STARD6: variants seen among roughly 807,000 people sequenced by gnomAD.
STARD6 encodes stAR-related lipid transfer protein 6.
A neutral mutation model predicts 22.3 loss-of-function variants in STARD6; 21 were observed. The observed-to-expected ratio is 0.94, with a 90% CI of 0.67 to 1.35. The LOEUF (loss-of-function observed/expected upper bound fraction) is 1.35. Among genes scored for constraint, STARD6 ranks in the 40% most tolerant of loss-of-function variants. STARD6 has a pLI of 0.00. For synonymous variants in STARD6, 80 were observed against 88.1 expected, an observed-to-expected ratio of 0.91 and a Z score of 0.52; for missense variants, 269 against 266.9, an observed-to-expected ratio of 1.01 and a Z score of -0.05.
rs1392777839 is a variant in STARD6, at chr18:54,354,702, T to A, written c.-4-125A>T. 6.8e-5 allele frequency: 45 copies of A among 661,928 alleles called. No homozygotes were observed. In the East Asian group the frequency reaches 1.3e-3, roughly 19 times the overall value. The allele number at this position is 661,928 out of a possible 1,614,324, so 41.0% of individuals were successfully genotyped here. On this transcript the variant is annotated intron_variant, in intron 2 of 7. Coordinates refer to ENST00000307844, the MANE Select transcript of STARD6 (RefSeq NM_139171.2). ...CATAGAAATGAACATAATTACTTGA[T>A]GAATGCATGTATGCATGAACCCCTC...
chr18:54,330,914 T>G (rs1446951586), intron 6 of STARD6, among the ~76,000 whole-genome samples: 1 of 152,118 alleles, frequency 6.6e-6, no homozygotes, highest in Admixed American at 6.6e-5. Flanking sequence ...ATGAACATTA[T>G]GAACATCAGC....
In STARD6 at chr18:54,357,405, T is replaced by A. The variant is rs113493919; in HGVS notation, c.-89+387A>T. ...GGTCTCCAATCTCCCATCTGCTTTG[T>A]GTGTGAGAGGCTCCGGGGTGTGAGA... On this transcript the variant is annotated intron_variant, in intron 1 of 7. Transcript: ENST00000307844. Among the ~76,000 whole-genome samples, 518 of 152,094 alleles carry A rather than the reference T, an allele frequency of 3.4e-3. 6 individuals are homozygous for A. Among genetic ancestry groups the A allele is most frequent in the African/African-American group, 0.011 (472 of 41,470 alleles).
At chr18:54,327,457 G>C (rs529114307) in intron 7 of STARD6, among the ~76,000 whole-genome samples, 3 of 152,246 alleles carry the variant, frequency 2.0e-5, no homozygotes, top group East Asian at 3.9e-4. Flanking sequence ...AAAAATGTGA[G>C]TTCAAGGAGG....
At chr18:54,355,381 A>G (rs1346609175) in intron 2 of STARD6, among the ~76,000 whole-genome samples, 1 of 152,192 alleles carries the variant, frequency 6.6e-6, no homozygotes, top group Non-Finnish European at 1.5e-5. Flanking sequence ...AGAAACTGCA[A>G]TGGACTGAAT....
At chr18:54,338,115 C>A (rs55754902) in intron 4 of STARD6, among the ~76,000 whole-genome samples, 122 of 152,274 alleles carry the variant, frequency 8.0e-4, no homozygotes, top group Non-Finnish European at 1.5e-3. Context: ...AGAGCTGATG[C>A]CTTACTGACT....
At chr18:54,339,044 CAAAAAAAAAAAAAAAAAAAAA>C (rs760501311) in intron 4 of STARD6, among the ~76,000 whole-genome samples, 227 of 10,412 alleles carry the variant, frequency 0.022, 1 homozygote, top group Non-Finnish European at 0.046. Flanking sequence ...GAGACTCCAT[CAAAAAAAAAAAAAAAAAAAAA>C]AAAAAAAAAA....
chr18:54,353,175 G>C (rs1349684887), intron 4 of STARD6, among the ~76,000 whole-genome samples: 2 of 152,076 alleles, frequency 1.3e-5, no homozygotes, highest in Non-Finnish European at 2.9e-5. Context: ...TTGAAAGAAG[G>C]AGTGGACTCC....
At chr18:54,348,512 C>CT (rs2089060438) in intron 4 of STARD6, among the ~76,000 whole-genome samples, 1 of 152,058 alleles carries the variant, frequency 6.6e-6, no homozygotes, top group Admixed American at 6.6e-5. Context: ...GTCTTGGTGT[C>CT]TAAGTTTTTG....
intron 4 of STARD6, among the ~76,000 whole-genome samples, chr18:54,351,890 T>C (rs1192395509): frequency 7.2e-6 from 1 of 138,860 alleles, no homozygotes; most frequent in African/African-American, 2.7e-5. Context: ...TAATCAGGGA[T>C]ATTGGTCCGT....
intron 3 of STARD6, 112 bp from the exon 4 acceptor site, chr18:54,354,215 AAT>A (rs923868476): frequency 1.2e-4 from 83 of 689,076 alleles, no homozygotes; most frequent in South Asian, 2.0e-4. Context: ...AAAAGAAAAA[AAT>A]ATATATATAT....
rs2088807621 is a variant in STARD6 at position 54,324,706 on chromosome 18, TATG to T, written c.646_648del (p.His216del). ...TTCTTTTGGTATCATGAATGACTAT[TATG>T]ATGAAATCCACGTCTTGATGGAGTT... On this transcript the variant is annotated inframe_deletion, in exon 8 of 8. Coordinates refer to ENST00000307844, the MANE Select transcript of STARD6 (RefSeq NM_139171.2). 11 of 1,613,162 alleles carry T rather than the reference TATG, an allele frequency of 6.8e-6. No individual in the cohort carries two copies. Among genetic ancestry groups the T allele is most frequent in the Non-Finnish European group, 9.3e-6 (11 of 1,179,666 alleles).
At chr18:54,328,504 A>G (rs1287201151) in intron 7 of STARD6, among the ~76,000 whole-genome samples, 1 of 152,186 alleles carries the variant, frequency 6.6e-6, no homozygotes, top group African/African-American at 2.4e-5. Context: ...ATACATTGTT[A>G]TTATTATTAT....
chr18:54,355,916 T>C (rs2089138218), intron 2 of STARD6: 1 of 152,226 alleles, frequency 6.6e-6, no homozygotes, highest in Non-Finnish European at 1.5e-5. Context: ...ACAGCTATAT[T>C]ATTTTGGATA....
At chr18:54,341,609 CAG>C (rs2088969958) in intron 4 of STARD6, among the ~76,000 whole-genome samples, 1 of 152,108 alleles carries the variant, frequency 6.6e-6, no homozygotes, top group South Asian at 2.1e-4. Flanking sequence ...ATTTTAACAA[CAG>C]AAATTTGGGA....
chr18:54,328,070 G>C (rs188125439), intron 7 of STARD6, among the ~76,000 whole-genome samples: 1 of 151,982 alleles, frequency 6.6e-6, no homozygotes, highest in Non-Finnish European at 1.5e-5. Context: ...TAGTCACTTA[G>C]TAGCCCTCTT....
At chr18:54,333,286 A>G (rs2088880407) in intron 5 of STARD6, among the ~76,000 whole-genome samples, 1 of 152,232 alleles carries the variant, frequency 6.6e-6, no homozygotes, top group African/African-American at 2.4e-5. Context: ...TGTCTCTACT[A>G]AAAATACAAA....
chr18:54,341,647 A>G (rs999235873), intron 4 of STARD6, among the ~76,000 whole-genome samples: 1 of 152,244 alleles, frequency 6.6e-6, no homozygotes, highest in Non-Finnish European at 1.5e-5. Context: ...AGAAATTAAA[A>G]CATTCTTAAA....
At chr18:54,356,147 T>C (rs1258342458) in intron 2 of STARD6, among the ~76,000 whole-genome samples, 1 of 152,252 alleles carries the variant, frequency 6.6e-6, no homozygotes, top group Non-Finnish European at 1.5e-5. Context: ...TCTGCTTCCT[T>C]AAGCACTTAA....
chr18:54,348,358 A>G (rs927888603), intron 4 of STARD6, among the ~76,000 whole-genome samples: 1 of 152,188 alleles, frequency 6.6e-6, no homozygotes, highest in Admixed American at 6.5e-5. Context: ...CTAAACAAGC[A>G]TGAAATGCCT....
Sources: gnomAD v4.1 joint callset for allele counts (sites outside exome capture counted in the v4.1 genomes callset) on GRCh38, gnomAD v4.1.1 for gene constraint, MANE v1.5 for transcripts, NCBI Gene and HGNC (gene_info 2026-07-23, HGNC 2026-07-21) for gene names.